The following NHSL1 variants were observed in gnomAD, a reference collection of about 807,000 sequenced individuals.
NHSL1 encodes NHS-like protein 1.
In NHSL1, 48 loss-of-function variants were observed where a neutral mutation model predicts 95.0. The observed-to-expected ratio is 0.51, with a 90% CI of 0.40 to 0.64. NHSL1 has a LOEUF of 0.64. Ranked by LOEUF, NHSL1 falls within the 30% of genes least tolerant of loss-of-function variation. The pLI is 0.00. For synonymous variants in NHSL1, 783 were observed against 833.9 expected (o/e 0.94, Z 1.05); for missense variants, 1,971 against 2,077.7 (o/e 0.95, Z 1.00).
In NHSL1 at chr6:138,692,341, G is replaced by C; in HGVS notation, c.96+135C>G. On this transcript the variant is annotated intron_variant, in intron 1 of 3. Transcript: ENST00000491526. This position sits in a 1 kb window ranked among gnomAD's most constrained non-coding sequence, Gnocchi z 4.0. ...CCCAGCCTCCCGCTGGGGTCCGGCAGTCCCCACTGGAGACCCCGACATCGC... is the reference window on the plus strand; with the variant it reads ...CCCAGCCTCCCGCTGGGGTCCGGCACTCCCCACTGGAGACCCCGACATCGC... The C allele has an allele frequency of 2.8e-6, 1 of 361,434 alleles. No homozygotes were observed. The highest frequency in any genetic ancestry group is 5.5e-6 in the Non-Finnish European group (1 of 183,382). 22.4% of individuals were successfully genotyped at this position (361,434 alleles called of 1,614,324 possible).
upstream of NHSL1, among the ~76,000 whole-genome samples, chr6:138,547,329 T>TAA (rs11314239): frequency 6.6e-3 from 969 of 146,664 alleles, 8 homozygotes; most frequent in Middle Eastern, 0.01. Flanking sequence ...TAGTTAGGAT[T>TAA]AAAAAAAAAA....
intron 1 of NHSL1, chr6:138,650,984 G>A (rs1030338255): frequency 1.2e-5 from 6 of 503,062 alleles, no homozygotes; most frequent in African/African-American, 1.2e-4. Flanking sequence ...ATAAGGCTTT[G>A]TGTTTGGGTC....
chr6:138,676,117 T>A (rs868452114), intron 1 of NHSL1, among the ~76,000 whole-genome samples: 2 of 152,036 alleles, frequency 1.3e-5, no homozygotes, highest in Non-Finnish European at 2.9e-5. Context: ...AAGAGGAAAA[T>A]GACATCAAAA....
At chr6:138,620,949 C>T (rs1188790740) in intron 1 of NHSL1, among the ~76,000 whole-genome samples, 1 of 152,124 alleles carries the variant, frequency 6.6e-6, no homozygotes, top group African/African-American at 2.4e-5. Context: ...ACAGAAACTG[C>T]AGCTGGGGAG....
upstream of NHSL1, among the ~76,000 whole-genome samples, chr6:138,575,945 G>A (rs570507185): frequency 8.5e-4 from 129 of 151,116 alleles, 2 homozygotes; most frequent in South Asian, 0.024. Context: ...TAACCCTGCC[G>A]TGGAAAAATC....
chr6:138,473,354 G>T lies in NHSL1; in HGVS notation c.291C>A (p.Ser97Arg). ...CATCTTGGTAATCATCACAGAATGG[G>T]CTGGCGTTGGCCGCAAAGGTGGGTC... ...SQGPTFAANA[S>R]PFCDDYQDED... The change falls in exon 3 of 8, where the codon AGC becomes AGA. Residue 97 changes from serine to arginine, a missense_variant. Ser to Arg is a moderately radical substitution (Grantham distance 110). Around this residue, in one of 3 missense-constraint regions of NHSL1, gnomAD observed 1,602 missense variants for 1,654.5 expected, o/e 0.97. Transcript: ENST00000343505. 2 of 1,548,286 alleles carry T rather than the reference G, an allele frequency of 1.3e-6. No individual in the cohort carries two copies. The highest frequency in any genetic ancestry group is 2.4e-5 in the South Asian group (2 of 83,484).
In NHSL1 at chr6:138,433,284, A is replaced by G; in HGVS notation, c.1061T>C (p.Phe354Ser). 1.3e-6 allele frequency: 2 copies of G among 1,551,580 alleles called. No homozygotes were observed. The highest frequency in any genetic ancestry group is 1.7e-6 in the Non-Finnish European group (2 of 1,146,948). ...LGPAGDMNGT[F>S]LYQRGHPQAD... Reference sequence around the variant, plus strand: ...TTGTGGGTGACCTCTCTGGTAGAGGAAAGTGCCATTCATGTCTCCTGCAGG... The same window carrying G: ...TTGTGGGTGACCTCTCTGGTAGAGGGAAGTGCCATTCATGTCTCCTGCAGG... The change falls in exon 6 of 8, where the codon TTC becomes TCC. Residue 354 changes from phenylalanine to serine, a missense_variant. This residue lies in a region of NHSL1 where 1,602 missense variants were observed against 1,654.5 expected (regional missense o/e 0.97). Coordinates refer to ENST00000343505, the MANE Select transcript of NHSL1 (RefSeq NM_001144060.2).
At chr6:138,556,248 T>G (rs543123391) in intron 1 of NHSL1, among the ~76,000 whole-genome samples, 16 of 152,220 alleles carry the variant, frequency 1.1e-4, no homozygotes, top group Middle Eastern at 3.4e-3. Context: ...AAAGACATCT[T>G]TAAAACTATC....
chr6:138,577,006 T>G (rs926417539), upstream of NHSL1, among the ~76,000 whole-genome samples: 1 of 152,204 alleles, frequency 6.6e-6, no homozygotes, highest in African/African-American at 2.4e-5. Flanking sequence ...TCTAGAATCA[T>G]CTCCTTTGGG....
chr6:138,678,083 T>C (rs1478996301), intron 1 of NHSL1, among the ~76,000 whole-genome samples: 1 of 152,162 alleles, frequency 6.6e-6, no homozygotes, highest in Non-Finnish European at 1.5e-5. Context: ...ATCCTCCACT[T>C]ATTAGCAGGA....
upstream of NHSL1, among the ~76,000 whole-genome samples, chr6:138,576,434 G>T (rs1045522883): frequency 6.6e-6 from 1 of 152,132 alleles, no homozygotes; most frequent in Non-Finnish European, 1.5e-5. Context: ...TGAGACAGAC[G>T]TGCTGAACAG....
At chr6:138,626,992 T>C (rs1005134670) in intron 1 of NHSL1, among the ~76,000 whole-genome samples, 1 of 151,984 alleles carries the variant, frequency 6.6e-6, no homozygotes, top group Non-Finnish European at 1.5e-5. Context: ...ATACACCTTC[T>C]TATTGAAAGT....
chr6:138,651,025 G>A (rs543513200), intron 1 of NHSL1: 22 of 417,038 alleles, frequency 5.3e-5, no homozygotes, highest in Admixed American at 1.3e-4. Context: ...CGATCTCATC[G>A]TAACAAAGTT....
At chr6:138,664,465 A>G (rs7750453) in intron 1 of NHSL1, among the ~76,000 whole-genome samples, 6,365 of 152,264 alleles carry the variant, frequency 0.042, 348 homozygotes, top group African/African-American at 0.13. Context: ...ACAGAGCACT[A>G]CTGGGCAAAA....
intron 1 of NHSL1, among the ~76,000 whole-genome samples, chr6:138,522,045 T>C (rs1404658961): frequency 6.6e-6 from 1 of 151,910 alleles, no homozygotes; most frequent in Admixed American, 6.6e-5. Context: ...TACGGCAAAG[T>C]CAGAAAAGTG....
At chr6:138,485,765 C>T (rs918546283) in intron 2 of NHSL1, among the ~76,000 whole-genome samples, 3 of 152,170 alleles carry the variant, frequency 2.0e-5, no homozygotes, top group South Asian at 2.1e-4. Context: ...TGGTTTCACC[C>T]GGCTGGGCAA....
chr6:138,646,065 C>T (rs995661901), intron 1 of NHSL1, among the ~76,000 whole-genome samples: 1 of 152,172 alleles, frequency 6.6e-6, no homozygotes, highest in Non-Finnish European at 1.5e-5. Context: ...AGTACAAGTT[C>T]TCAAGAACCT....
intron 1 of NHSL1, among the ~76,000 whole-genome samples, chr6:138,586,941 G>T (rs1032962256): frequency 5.9e-5 from 9 of 151,884 alleles, no homozygotes; most frequent in African/African-American, 2.2e-4. Context: ...TAGGTTATGG[G>T]TAGAGTGGGT....
At chr6:138,579,877 C>T (rs936715659) in intron 1 of NHSL1, among the ~76,000 whole-genome samples, 5 of 152,096 alleles carry the variant, frequency 3.3e-5, no homozygotes, top group East Asian at 1.9e-4. Flanking sequence ...GTGCTTACAC[C>T]GAATATATCT....
Sources: gnomAD v4.1 joint callset for allele counts (sites outside exome capture counted in the v4.1 genomes callset) on GRCh38, gnomAD v4.1.1 for gene constraint, gnomAD v4.1.1 regional missense constraint, Gnocchi (gnomAD v3.1) non-coding constraint, MANE v1.5 for transcripts, NCBI Gene and HGNC (gene_info 2026-07-23, HGNC 2026-07-21) for gene names.